Variants in MAP2 observed in about 807,000 individuals in gnomAD.
MAP2 encodes the protein microtubule associated protein 2, also known as microtubule-associated protein 2.
A neutral mutation model predicts 137.6 loss-of-function variants in MAP2; 14 were observed. The observed-to-expected ratio is 0.10, with a 90% confidence interval of 0.07 to 0.16. MAP2 has a LOEUF of 0.16. Ranked by LOEUF, MAP2 falls within the 10% of genes least tolerant of loss-of-function variation. The pLI, the probability that MAP2 is intolerant of heterozygous loss-of-function variation, is 1.00. For synonymous variants in MAP2, 786 were observed against 782.3 expected, an observed-to-expected ratio of 1.00 and a Z score of -0.08; for missense variants, 2,088 against 2,191.5, an observed-to-expected ratio of 0.95 and a Z score of 0.94.
intron 1 of MAP2, among the ~76,000 whole-genome samples, chr2:209,447,862 G>A (rs1216787267): frequency 6.6e-6 from 1 of 152,040 alleles, no homozygotes; most frequent in African/African-American, 2.4e-5. Context: ...GTTCAGTAGA[G>A]GGCTCACCAG....
At chr2:209,446,852 T>G (rs1005346926) in intron 1 of MAP2, among the ~76,000 whole-genome samples, 3 of 151,896 alleles carry the variant, frequency 2.0e-5, no homozygotes, top group Non-Finnish European at 4.4e-5. Flanking sequence ...TGAGATTTAC[T>G]TGACTCATCC....
intron 2 of MAP2, among the ~76,000 whole-genome samples, chr2:209,557,357 A>G (rs569729338): frequency 6.6e-6 from 1 of 152,216 alleles, no homozygotes; most frequent in East Asian, 1.9e-4. Flanking sequence ...TGGTAAGAAG[A>G]GAAGACTCCT....
intron 5 of MAP2, among the ~76,000 whole-genome samples, chr2:209,657,241 G>A (rs1033348422): frequency 6.6e-6 from 1 of 152,164 alleles, no homozygotes; most frequent in African/African-American, 2.4e-5. Flanking sequence ...ATAAATATAT[G>A]AGTGCAGGTG....
chr2:209,495,792 A>G (rs1378189389), intron 1 of MAP2, among the ~76,000 whole-genome samples: 1 of 152,102 alleles, frequency 6.6e-6, no homozygotes, highest in Non-Finnish European at 1.5e-5. Context: ...TATAATTGTT[A>G]CTCATTTCCT....
chr2:209,468,317 C>CT (rs11450792), intron 1 of MAP2, among the ~76,000 whole-genome samples: 47,670 of 88,442 alleles, frequency 0.54, 15,143 homozygotes, highest in Middle Eastern at 0.63. Flanking sequence ...TTTAGTGTTT[C>CT]TTTTTTTTTT....
At chr2:209,720,690 G>A (rs1422033888) in intron 13 of MAP2, among the ~76,000 whole-genome samples, 1 of 148,810 alleles carries the variant, frequency 6.7e-6, no homozygotes, top group South Asian at 2.1e-4. Context: ...AGATTAAAAT[G>A]TGATTTAGAG....
chr2:209,615,895 G>C (rs1187933448), intron 3 of MAP2, among the ~76,000 whole-genome samples: 1 of 151,958 alleles, frequency 6.6e-6, no homozygotes, highest in Non-Finnish European at 1.5e-5. Flanking sequence ...TTCACTTTAA[G>C]CTTTTCTGCA....
intron 4 of MAP2, among the ~76,000 whole-genome samples, chr2:209,625,794 T>C (rs1241794197): frequency 1.3e-5 from 2 of 152,080 alleles, no homozygotes; most frequent in African/African-American, 4.8e-5. Flanking sequence ...GCAGATAAAC[T>C]TTTATGTTTG....
At chr2:209,680,711 T>G (rs2054203762) in intron 6 of MAP2, 39 bp from the exon 7 acceptor site, 1 of 1,544,286 alleles carries the variant, frequency 6.5e-7, no homozygotes, top group East Asian at 2.2e-5. Context: ...CTAAAAGGAT[T>G]AATTATTGCA....
At chr2:209,542,714 G>A (rs1348284556) in intron 2 of MAP2, among the ~76,000 whole-genome samples, 1 of 152,168 alleles carries the variant, frequency 6.6e-6, no homozygotes, top group Non-Finnish European at 1.5e-5. Context: ...TAAACCTCAT[G>A]AACCAACCTC....
intron 2 of MAP2, among the ~76,000 whole-genome samples, chr2:209,563,705 G>C (rs1038563760): frequency 1.3e-5 from 2 of 152,194 alleles, no homozygotes; most frequent in Non-Finnish European, 2.9e-5. Context: ...CGCTGGCTGT[G>C]CTGTTCCCAA....
In MAP2 at chr2:209,692,965, G is replaced by C. The variant is rs2059334512; in HGVS notation, c.795G>C (p.Trp265Cys). Residue 265 changes from tryptophan (W) to cysteine (C), a missense_variant, in exon 8 of 16, where the codon TGG (tryptophan) becomes TGC (cysteine). Coordinates refer to ENST00000682079, the MANE Select transcript of MAP2 (RefSeq NM_001375505.1). ...EPPTPKEQKD[W>C]FIEMPTEAKK... ...CAACTCCAAAAGAACAAAAGGACTG[G>C]TTCATCGAAATGCCAACGGAAGCAA... 3 of 1,614,012 alleles carry C rather than the reference G, an allele frequency of 1.9e-6. No homozygotes were observed. The highest frequency in any genetic ancestry group is 1.7e-6 in the Non-Finnish European group (2 of 1,179,950).
intron 1 of MAP2, among the ~76,000 whole-genome samples, chr2:209,502,736 A>G (rs550020021): frequency 1.2e-4 from 19 of 152,134 alleles, no homozygotes; most frequent in Non-Finnish European, 2.4e-4. Context: ...CCTTTTCACC[A>G]CATCCAACAC....
rs372496450 is a variant in MAP2, at chr2:209,716,214, C to T, written c.5073+5960C>T. ...TGTCTATCTTGTTTCACTTACTAGACCATAAGGTCCATAAAGTCAGAGATG... is the reference window on the plus strand; with the variant it reads ...TGTCTATCTTGTTTCACTTACTAGATCATAAGGTCCATAAAGTCAGAGATG... On this transcript the variant is annotated intron_variant, in intron 13 of 15. Coordinates refer to ENST00000682079, the MANE Select transcript of MAP2 (RefSeq NM_001375505.1). Among the ~76,000 whole-genome samples the T allele has an allele frequency of 1.4e-4, 21 of 152,260 alleles. No individual in the cohort carries two copies. In the East Asian group the frequency reaches 4.0e-3, roughly 29 times the overall value.
chr2:209,588,367 A>G (rs2078317876), intron 3 of MAP2, among the ~76,000 whole-genome samples: 1 of 152,156 alleles, frequency 6.6e-6, no homozygotes, highest in African/African-American at 2.4e-5. Flanking sequence ...TCTGCCTCAG[A>G]TGGTTTGCAT....
At chr2:209,672,296 A>G (rs2049186287) in intron 5 of MAP2, among the ~76,000 whole-genome samples, 1 of 151,842 alleles carries the variant, frequency 6.6e-6, no homozygotes, top group Non-Finnish European at 1.5e-5. Flanking sequence ...GCAAGGAGGT[A>G]CTCATTGGGA....
At chr2:209,684,773 C>G (rs2056347184) in intron 7 of MAP2, 2 of 152,104 alleles carry the variant, frequency 1.3e-5, no homozygotes, top group African/African-American at 4.8e-5. Context: ...ATAGAATATT[C>G]TGTGGCAAAA....
chr2:209,517,006 A>G (rs1352164953), intron 2 of MAP2, among the ~76,000 whole-genome samples: 1 of 152,090 alleles, frequency 6.6e-6, no homozygotes, highest in Non-Finnish European at 1.5e-5. Flanking sequence ...CAAAAATTAC[A>G]TAATCTTCCA....
At chr2:209,704,573 T>C (rs2062806878) in intron 11 of MAP2, 4 of 1,611,198 alleles carry the variant, frequency 2.5e-6, no homozygotes, top group Non-Finnish European at 1.7e-6. Flanking sequence ...ACAGCCCACC[T>C]CAGCAGGCTC....
Sources: gnomAD v4.1 joint callset for allele counts (sites outside exome capture counted in the v4.1 genomes callset) on GRCh38, gnomAD v4.1.1 for gene constraint, MANE v1.5 for transcripts, NCBI Gene and HGNC (gene_info 2026-07-23, HGNC 2026-07-21) for gene names.